The following DUSP16 variants were observed in gnomAD, a reference collection of about 807,000 sequenced individuals.
DUSP16 encodes the protein dual specificity protein phosphatase 16.
DUSP16 carries 21 observed loss-of-function variants against 58.3 expected under a neutral mutation model. The observed-to-expected ratio is 0.36, with a 90% CI of 0.26 to 0.52. The LOEUF is 0.52. Among genes scored for constraint, DUSP16 ranks in the 20% least tolerant of loss-of-function variants. The pLI is 0.94. For synonymous variants in DUSP16, 320 were observed against 323.8 expected (o/e 0.99, Z 0.12); for missense variants, 726 against 819.0 (o/e 0.89, Z 1.39).
rs746773555 is a variant in DUSP16 at position 12,500,664 on chromosome 12, G to C, written c.386C>G (p.Ser129Cys). 1.1e-5 allele frequency: 18 copies of C among 1,592,736 alleles called. No homozygotes were observed. Among genetic ancestry groups the C allele is most frequent in the Middle Eastern group, 1.7e-4 (1 of 6,006 alleles). ...TTCACAGAGGCCAGGGAAACAACGA[G>C]AGAACTCAGCAAACCCACCTAAGAA... ...HLLAGGFAEF[S>C]RCFPGLCEGK... The change falls in exon 4 of 7, where the codon TCT becomes TGT. Residue 129 changes from serine (S) to cysteine (C), a missense_variant. Ser to Cys is a moderately radical substitution (Grantham distance 112, BLOSUM62 -1). Coordinates refer to ENST00000298573, the MANE Select transcript of DUSP16 (RefSeq NM_030640.3).
intron 4 of DUSP16, 122 bp downstream of exon 4, chr12:12,500,397 C>T (rs972973571): frequency 1.7e-6 from 2 of 1,178,588 alleles, no homozygotes; most frequent in Non-Finnish European, 1.2e-6. Flanking sequence ...CTGGGGAGCA[C>T]ACTGAGAATG....
At position 12,521,192 on chromosome 12, in the gene DUSP16, T is replaced by C; in HGVS notation, c.-94A>G. 6.5e-7 allele frequency: 1 copy of C among 1,529,630 alleles called. No homozygotes were observed. The highest frequency in any genetic ancestry group is 2.4e-5 in the East Asian group (1 of 41,016). The allele number at this position is 1,529,630 out of a possible 1,614,324, so 94.8% of individuals were successfully genotyped here. ...CAAAGGCTCAGCCACTCCATTGTAC[T>C]AAAAGTGTATGAGGTCAGGCTGGTG... On this transcript the variant is annotated 5_prime_UTR_variant, in exon 2 of 7. Coordinates refer to ENST00000298573, the MANE Select transcript of DUSP16 (RefSeq NM_030640.3).
intron 1 of DUSP16, among the ~76,000 whole-genome samples, chr12:12,541,414 G>A (rs1944558780): frequency 6.6e-6 from 1 of 152,152 alleles, no homozygotes; most frequent in African/African-American, 2.4e-5. Context: ...AGGTTACACT[G>A]ACATTATTTC....
At chr12:12,495,251 A>C (rs1040211108) in intron 4 of DUSP16, among the ~76,000 whole-genome samples, 2 of 151,920 alleles carry the variant, frequency 1.3e-5, no homozygotes, top group Non-Finnish European at 2.9e-5. Context: ...AAAAAAAAAA[A>C]AAAAAGCCCA....
intron 1 of DUSP16, chr12:12,560,959 C>T (rs1357024002): frequency 6.6e-6 from 1 of 152,160 alleles, no homozygotes; most frequent in Non-Finnish European, 1.5e-5. Context: ...CACACACACA[C>T]ACACACAGAG....
intron 1 of DUSP16, among the ~76,000 whole-genome samples, chr12:12,535,992 T>TGTAC (rs1431506841): frequency 3.9e-5 from 6 of 152,364 alleles, no homozygotes; most frequent in African/African-American, 1.2e-4. Context: ...TCTAGGCCAC[T>TGTAC]GTACGCTTTA....
At chr12:12,523,953 G>A (rs1411307588) in intron 1 of DUSP16, among the ~76,000 whole-genome samples, 1 of 152,202 alleles carries the variant, frequency 6.6e-6, no homozygotes. Flanking sequence ...TCCAACAATG[G>A]CACTGGGTCT....
In DUSP16 at chr12:12,477,138, G is replaced by A. The variant is rs765922450; in HGVS notation, c.1693C>T (p.His565Tyr). Residue 565 changes from histidine (H) to tyrosine (Y), a missense_variant, in exon 7 of 7, where the codon CAC (histidine) becomes TAC (tyrosine). Physicochemically the swap from His to Tyr is moderately conservative, Grantham distance 83. Coordinates refer to ENST00000298573, the MANE Select transcript of DUSP16 (RefSeq NM_030640.3). The surrounding 1 kb of genome is among the most constrained non-coding windows in gnomAD (Gnocchi z 4.1). Reference protein sequence around the residue: ...SSWYFATESSHFYSASAIYGG... With the variant: ...SSWYFATESSYFYSASAIYGG... ...TAGATGGCTGAGGCAGAGTAGAAGT[G>A]TGAGGACTCTGTGGCAAAATACCAG... 1.9e-6 allele frequency: 3 copies of A among 1,614,242 alleles called. No individual in the cohort carries two copies. Among genetic ancestry groups the A allele is most frequent in the East Asian group, 2.2e-5 (1 of 44,878 alleles).
chr12:12,477,023 G>A lies in DUSP16; in HGVS notation c.1808C>T (p.Pro603Leu). The change falls in exon 7 of 7, where the codon CCA becomes CTA. Residue 603 changes from proline to leucine, a missense_variant. Coordinates refer to ENST00000298573, the MANE Select transcript of DUSP16 (RefSeq NM_030640.3). This position sits in a 1 kb window ranked among gnomAD's most constrained non-coding sequence, Gnocchi z 4.1. ...QVYSVRRRQK[P>L]SDRADSRRSW... The stretch of plus-strand genomic sequence containing the variant: ...CCGCCGCGAGTCAGCTCTGTCACTT[G>A]GCTTCTGCCGCCTGCGCACAGAATA... The A allele has an allele frequency of 6.2e-7, 1 of 1,614,244 alleles. No individual in the cohort carries two copies. The highest frequency in any genetic ancestry group is 8.5e-7 in the Non-Finnish European group (1 of 1,180,052).
At chr12:12,478,292 A>C (rs890819058) in intron 6 of DUSP16, among the ~76,000 whole-genome samples, 2 of 151,520 alleles carry the variant, frequency 1.3e-5, no homozygotes, top group South Asian at 2.1e-4. Context: ...CAGGGCTCCC[A>C]ATGCAGCTGA....
At chr12:12,526,279 C>T (rs1208283576) in intron 1 of DUSP16, among the ~76,000 whole-genome samples, 1 of 141,798 alleles carries the variant, frequency 7.1e-6, no homozygotes, top group African/African-American at 2.7e-5. Context: ...AACAACTTTC[C>T]CCCTTTAATA....
At chr12:12,515,638 C>A (rs2136227678) in intron 3 of DUSP16, among the ~76,000 whole-genome samples, 1 of 151,018 alleles carries the variant, frequency 6.6e-6, no homozygotes, top group Admixed American at 6.6e-5. Context: ...AATATGAATT[C>A]TTAAGTCTAA....
chr12:12,527,072 G>C (rs548258791), intron 1 of DUSP16, among the ~76,000 whole-genome samples: 1 of 152,310 alleles, frequency 6.6e-6, no homozygotes, highest in African/African-American at 2.4e-5. Context: ...TGAGTGAGGA[G>C]AGGGATTTAG....
chr12:12,542,605 AAAGACGAATTTT>A (rs138278406), intron 1 of DUSP16, among the ~76,000 whole-genome samples: 9,831 of 152,224 alleles, frequency 0.065, 471 homozygotes, highest in East Asian at 0.21. Context: ...GCACACCTTC[AAAGACGAATTTT>A]ACGACTGAAA....
At chr12:12,526,280 C>T (rs968143359) in intron 1 of DUSP16, among the ~76,000 whole-genome samples, 26 of 141,394 alleles carry the variant, frequency 1.8e-4, no homozygotes, top group African/African-American at 6.4e-4. Flanking sequence ...ACAACTTTCC[C>T]CCTTTAATAT....
At chr12:12,535,680 T>C (rs1353480203) in intron 1 of DUSP16, among the ~76,000 whole-genome samples, 3 of 152,228 alleles carry the variant, frequency 2.0e-5, no homozygotes, top group African/African-American at 7.2e-5. Context: ...TGAGTAAATG[T>C]TGAAAATGAC....
At position 12,562,278 on chromosome 12, in the gene DUSP16, CT is replaced by C. The variant is rs1944917384; in HGVS notation, c.-528del. ...GTCCCGTCCCGTCGCTCTCCTCCTCCTCTTCTTTTCAGTATATTATCTTCTC... is the reference window on the plus strand; with the variant it reads ...GTCCCGTCCCGTCGCTCTCCTCCTCCCTTCTTTTCAGTATATTATCTTCTC... On this transcript the variant is annotated 5_prime_UTR_variant, in exon 1 of 7. Coordinates refer to ENST00000298573, the MANE Select transcript of DUSP16 (RefSeq NM_030640.3). 6.7e-6 allele frequency: 1 copy of C among 149,550 alleles called. No homozygotes were observed. The highest frequency in any genetic ancestry group is 1.5e-5 in the Non-Finnish European group (1 of 67,180). 9.3% of individuals were successfully genotyped at this position (149,550 alleles called of 1,614,324 possible).
At chr12:12,484,050 C>T (rs1943630092) in intron 5 of DUSP16, among the ~76,000 whole-genome samples, 1 of 151,900 alleles carries the variant, frequency 6.6e-6, no homozygotes, top group Non-Finnish European at 1.5e-5. Flanking sequence ...GAATAATTAG[C>T]TCTTGCCATT....
intron 1 of DUSP16, among the ~76,000 whole-genome samples, chr12:12,533,955 G>A (rs924788509): frequency 1.3e-5 from 2 of 152,132 alleles, no homozygotes; most frequent in Non-Finnish European, 1.5e-5. Context: ...ACAGGGACAG[G>A]GCTGACTTAT....
Sources: allele counts gnomAD v4.1 joint callset (sites outside exome capture counted in the v4.1 genomes callset), GRCh38; gene constraint gnomAD v4.1.1; non-coding constraint Gnocchi (gnomAD v3.1); transcripts MANE v1.5; gene names NCBI Gene and HGNC (gene_info 2026-07-23, HGNC 2026-07-21).